The following PATJ variants were observed in gnomAD, a reference collection of about 807,000 sequenced individuals.
PATJ encodes PATJ crumbs cell polarity complex component.
Under a neutral mutation model 224.9 loss-of-function variants are expected in PATJ, and 190 were observed. The observed-to-expected ratio is 0.84, with a 90% CI of 0.75 to 0.95. PATJ has a LOEUF of 0.95. PATJ is among the 40% of genes least tolerant of loss of function. PATJ has a pLI of 0.00. For missense variants in PATJ, 2,121 were observed against 2,270.3 expected (o/e 0.93, Z 1.34); for synonymous variants, 769 against 820.3 (o/e 0.94, Z 1.07).
intron 30 of PATJ, among the ~76,000 whole-genome samples, chr1:62,049,277 A>C (rs1033746291): frequency 2.1e-5 from 3 of 146,018 alleles, no homozygotes; most frequent in Non-Finnish European, 4.5e-5. Context: ...ACACACACAC[A>C]CACAGAGTAT....
At chr1:62,016,928 T>C (rs1047905289) in intron 28 of PATJ, among the ~76,000 whole-genome samples, 1 of 152,230 alleles carries the variant, frequency 6.6e-6, no homozygotes, top group Admixed American at 6.5e-5. Context: ...TTAAGGAATC[T>C]GGGAAAGCTG....
At chr1:61,788,120 A>G (rs1170739339) in intron 8 of PATJ, 148 bp downstream of exon 8, 5 of 611,568 alleles carry the variant, frequency 8.2e-6, no homozygotes, top group Non-Finnish European at 1.4e-5. Flanking sequence ...ATTGGGAGAC[A>G]TTAGACATGT....
intron 22 of PATJ, among the ~76,000 whole-genome samples, chr1:61,898,512 ACAGCCATGAGC>A (rs1312552721): frequency 1.3e-5 from 2 of 151,992 alleles, no homozygotes; most frequent in Admixed American, 1.3e-4. Flanking sequence ...CACTGGGATT[ACAGCCATGAGC>A]CACCACACCT....
chr1:62,157,846 AAAAAAAAAAT>A (rs1275776460), intron 43 of PATJ, among the ~76,000 whole-genome samples: 1 of 133,394 alleles, frequency 7.5e-6, no homozygotes, highest in South Asian at 2.7e-4. Context: ...AAAAAAAAAA[AAAAAAAAAAT>A]AATCCAAGCC....
chr1:62,038,076 GTA>G, intron 30 of PATJ, 27 bp downstream of exon 30: 2 of 1,403,282 alleles, frequency 1.4e-6, no homozygotes, highest in Non-Finnish European at 2.0e-6. Flanking sequence ...TTAGCTCTTA[GTA>G]TATTAGATGG....
chr1:61,869,300 G>C (rs570893099), intron 20 of PATJ, among the ~76,000 whole-genome samples: 1 of 151,570 alleles, frequency 6.6e-6, no homozygotes, highest in African/African-American at 2.4e-5. Context: ...TAGAGACGGG[G>C]TTTCACCGTT....
chr1:61,747,066 T>C (rs946147812), intron 1 of PATJ, among the ~76,000 whole-genome samples: 1 of 152,204 alleles, frequency 6.6e-6, no homozygotes, highest in African/African-American at 2.4e-5. Context: ...ATATATTAGG[T>C]TGGGGAAGCC....
At chr1:62,120,752 T>C (rs1664946534) in intron 37 of PATJ, 1 of 155,658 alleles carries the variant, frequency 6.4e-6, no homozygotes, top group Non-Finnish European at 1.4e-5. Context: ...ATCAAGGTCT[T>C]ATTATACTTG....
chr1:61,847,151 C>T (rs1157069441), intron 17 of PATJ, among the ~76,000 whole-genome samples: 1 of 152,038 alleles, frequency 6.6e-6, no homozygotes, highest in Non-Finnish European at 1.5e-5. Context: ...AACAGGAGAC[C>T]AGAAGGGTTA....
chr1:61,820,943 T>C (rs1277292490), intron 14 of PATJ, among the ~76,000 whole-genome samples: 2 of 151,950 alleles, frequency 1.3e-5, no homozygotes, highest in Admixed American at 6.6e-5. Flanking sequence ...AATATCTCCT[T>C]AGCTATCCAT....
intron 14 of PATJ, among the ~76,000 whole-genome samples, chr1:61,821,292 G>T (rs1379200140): frequency 6.6e-6 from 1 of 151,884 alleles, no homozygotes; most frequent in East Asian, 1.9e-4. Context: ...TGATCCTCCC[G>T]CTCGGCCTCC....
At chr1:61,905,805 G>C (rs1223616245) in intron 24 of PATJ, among the ~76,000 whole-genome samples, 1 of 152,020 alleles carries the variant, frequency 6.6e-6, no homozygotes, top group Non-Finnish European at 1.5e-5. Context: ...CAGATGTGTG[G>C]GGGTTTACCC....
At chr1:61,750,543 C>G (rs1003545536) in intron 1 of PATJ, among the ~76,000 whole-genome samples, 1 of 147,360 alleles carries the variant, frequency 6.8e-6, no homozygotes, top group East Asian at 2.1e-4. Context: ...TCGGGTGATT[C>G]TCCTGGTACT....
intron 27 of PATJ, among the ~76,000 whole-genome samples, chr1:61,969,547 C>T (rs1682648010): frequency 6.6e-6 from 1 of 151,920 alleles, no homozygotes; most frequent in Non-Finnish European, 1.5e-5. Context: ...TGTCCTTTGC[C>T]CGTTTTTAAA....
chr1:61,879,776 G>A (rs1667832090), intron 21 of PATJ, among the ~76,000 whole-genome samples: 1 of 151,570 alleles, frequency 6.6e-6, no homozygotes, highest in Non-Finnish European at 1.5e-5. Context: ...GAATGGTATT[G>A]CAGATTTTTA....
chr1:61,880,484 A>T (rs1667941635), intron 21 of PATJ, among the ~76,000 whole-genome samples: 1 of 152,240 alleles, frequency 6.6e-6, no homozygotes, highest in South Asian at 2.1e-4. Context: ...ATTTGATGGG[A>T]AACAAAACAA....
chr1:61,809,983 C>A (rs1017707670), intron 14 of PATJ, among the ~76,000 whole-genome samples: 4 of 151,782 alleles, frequency 2.6e-5, no homozygotes, highest in Admixed American at 2.0e-4. Context: ...GTAGCTGGGA[C>A]TTTACAGACA....
intron 25 of PATJ, among the ~76,000 whole-genome samples, chr1:61,911,966 CTT>C (rs1369714528): frequency 6.7e-6 from 1 of 149,120 alleles, no homozygotes; most frequent in African/African-American, 2.4e-5. Flanking sequence ...ATTTCTGAGA[CTT>C]TCTCATTTAT....
At chr1:62,020,000 C>A (rs1646986328) in intron 29 of PATJ, among the ~76,000 whole-genome samples, 1 of 151,846 alleles carries the variant, frequency 6.6e-6, no homozygotes, top group African/African-American at 2.4e-5. Context: ...GAGACCAAAT[C>A]TGTGCAAAAG....
Sources: allele counts gnomAD v4.1 joint callset (sites outside exome capture counted in the v4.1 genomes callset), GRCh38; gene constraint gnomAD v4.1.1; transcripts MANE v1.5; gene names NCBI Gene and HGNC (gene_info 2026-07-23, HGNC 2026-07-21).